LYRM4: variants seen among roughly 807,000 people sequenced by gnomAD.
LYRM4 encodes the protein LYR motif-containing protein 4.
Under a neutral mutation model 11.7 loss-of-function variants are expected in LYRM4, and 9 were observed. That is an observed-to-expected ratio of 0.77 (90% CI 0.46 to 1.34). The LOEUF (loss-of-function observed/expected upper bound fraction) is 1.34. Ranked by LOEUF, LYRM4 falls within the 40% of genes most tolerant of loss-of-function variation. The pLI is 0.00. For synonymous variants in LYRM4, 42 were observed against 40.4 expected (o/e 1.04, Z -0.15); for missense variants, 133 against 112.5 (o/e 1.18, Z -0.82).
In LYRM4 at chr6:5,109,395, C is replaced by T; in HGVS notation, c.*28G>A. The stretch of plus-strand genomic sequence containing the variant: ...AGTGGATGCTGAAGGTGGTCCCTGG[C>T]CGCCACTGGTGGCTGGTCCCCGGCT... On this transcript the variant is annotated 3_prime_UTR_variant, in exon 3 of 3. Transcript: ENST00000330636. 1.9e-6 allele frequency: 3 copies of T among 1,613,580 alleles called. No homozygotes were observed. Among genetic ancestry groups the T allele is most frequent in the Non-Finnish European group, 2.5e-6 (3 of 1,179,640 alleles).
intron 1 of LYRM4, among the ~76,000 whole-genome samples, chr6:5,218,999 G>A (rs1762432562): frequency 6.6e-6 from 1 of 152,118 alleles, no homozygotes; most frequent in East Asian, 1.9e-4. Context: ...TCTAATATTT[G>A]TTCCACAGGC....
the LYRM4 span, among the ~76,000 whole-genome samples, chr6:5,055,013 A>G: frequency 6.6e-6 from 1 of 152,156 alleles, no homozygotes. The surrounding 1 kb of genome is among the most constrained non-coding windows in gnomAD (Gnocchi z 4.5). Flanking sequence ...TTAGGGTCAG[A>G]CAAGAGACAT....
intron 2 of LYRM4, among the ~76,000 whole-genome samples, chr6:5,171,275 T>C (rs1365970308): frequency 6.6e-6 from 1 of 152,164 alleles, no homozygotes; most frequent in Non-Finnish European, 1.5e-5. Flanking sequence ...TCCATCTACG[T>C]TACATCCCTC....
At chr6:5,043,041 T>A in the LYRM4 span, 1 of 152,336 alleles carries the variant, frequency 6.6e-6, no homozygotes, top group East Asian at 1.9e-4. Context: ...TGACTTCTAC[T>A]GTATGCTCCA....
At chr6:5,140,932 G>A (rs886179872) in intron 2 of LYRM4, among the ~76,000 whole-genome samples, 2 of 152,134 alleles carry the variant, frequency 1.3e-5, no homozygotes, top group African/African-American at 4.8e-5. Flanking sequence ...CCAACTTGTT[G>A]TTCAGGTGTC....
At chr6:5,043,735 A>G in the LYRM4 span, among the ~76,000 whole-genome samples, 1 of 152,018 alleles carries the variant, frequency 6.6e-6, no homozygotes, top group Non-Finnish European at 1.5e-5. Flanking sequence ...TTTCAAATAC[A>G]AACCAACCAA....
chr6:5,161,895 G>A (rs1484926591), intron 2 of LYRM4, among the ~76,000 whole-genome samples: 3 of 152,188 alleles, frequency 2.0e-5, no homozygotes, highest in Admixed American at 1.3e-4. Context: ...TATCTTCAGC[G>A]AGGTTCTCAA....
intron 2 of LYRM4, among the ~76,000 whole-genome samples, chr6:5,177,320 CAGTT>C (rs930133072): frequency 1.3e-5 from 2 of 152,358 alleles, no homozygotes; most frequent in East Asian, 1.9e-4. Flanking sequence ...AATGCAGTAA[CAGTT>C]AGGGATAAGC....
chr6:5,164,541 A>G (rs938984548), intron 2 of LYRM4, among the ~76,000 whole-genome samples: 2 of 152,178 alleles, frequency 1.3e-5, no homozygotes, highest in Non-Finnish European at 2.9e-5. Flanking sequence ...AAACCAACCT[A>G]TTTCAGAAGT....
At chr6:5,101,012 G>A (rs998652234), downstream of LYRM4, among the ~76,000 whole-genome samples, 1 of 152,142 alleles carries the variant, frequency 6.6e-6, no homozygotes, top group African/African-American at 2.4e-5. Context: ...CAGGGCCCTA[G>A]CTGGTCTCCC....
chr6:5,054,132 A>T, the LYRM4 span: 1 of 985,864 alleles, frequency 1.0e-6, no homozygotes, highest in Non-Finnish European at 1.2e-6. Context: ...TCACCTGGCC[A>T]TGACCAGAAT....
At chr6:5,223,004 G>C (rs141911591) in intron 1 of LYRM4, among the ~76,000 whole-genome samples, 1 of 152,212 alleles carries the variant, frequency 6.6e-6, no homozygotes, top group East Asian at 1.9e-4. Context: ...TATAATGGAA[G>C]GAAATGTCCC....
intron 1 of LYRM4, among the ~76,000 whole-genome samples, chr6:5,237,221 C>A (rs552656843): frequency 6.6e-6 from 1 of 152,270 alleles, no homozygotes; most frequent in South Asian, 2.1e-4. Flanking sequence ...TAGCCACTCC[C>A]CATCGCTCAC....
intron 1 of LYRM4, among the ~76,000 whole-genome samples, chr6:5,222,945 C>A (rs920627054): frequency 9.2e-5 from 14 of 152,076 alleles, no homozygotes; most frequent in African/African-American, 2.9e-4. Context: ...AGGTGTATAA[C>A]CTATGAATAA....
intron 2 of LYRM4, among the ~76,000 whole-genome samples, chr6:5,206,534 A>C (rs1761708949): frequency 6.6e-6 from 1 of 152,220 alleles, no homozygotes; most frequent in Admixed American, 6.5e-5. Flanking sequence ...TTGTGCTATA[A>C]GGGATCTTGG....
the LYRM4 span, among the ~76,000 whole-genome samples, chr6:5,035,035 G>A: frequency 1.3e-4 from 20 of 151,924 alleles, no homozygotes; most frequent in Non-Finnish European, 2.1e-4. Context: ...TGAGACCTGC[G>A]TGTTCTACTA....
rs181546523 is a variant in LYRM4, at chr6:5,147,651, A to G, written c.208-38160T>C. Among the ~76,000 whole-genome samples the G allele has an allele frequency of 3.9e-5, 6 of 152,376 alleles. No homozygotes were observed. In the East Asian group the frequency reaches 1.2e-3, roughly 29 times the overall value. On this transcript the variant is annotated intron_variant, in intron 2 of 2. Coordinates refer to ENST00000330636, the MANE Select transcript of LYRM4 (RefSeq NM_020408.6). ...TTCCTTTTCATCTTTGAAGGAAGAC[A>G]GGAAACAGGGATACTAAAATTCACA... is the stretch of plus-strand genomic sequence containing the variant.
chr6:5,051,138 A>C, the LYRM4 span, among the ~76,000 whole-genome samples: 1 of 152,240 alleles, frequency 6.6e-6, no homozygotes, highest in Non-Finnish European at 1.5e-5. Flanking sequence ...CTTGAAGGCC[A>C]AAAAGATTAC....
chr6:5,077,070 G>C, the LYRM4 span, among the ~76,000 whole-genome samples: 10 of 152,166 alleles, frequency 6.6e-5, no homozygotes, highest in Non-Finnish European at 1.3e-4. Context: ...GTCCTAGGCC[G>C]GGGTGCTGCT....
Sources: gnomAD v4.1 joint callset for allele counts (sites outside exome capture counted in the v4.1 genomes callset) on GRCh38, gnomAD v4.1.1 for gene constraint, Gnocchi (gnomAD v3.1) non-coding constraint, MANE v1.5 for transcripts, NCBI Gene and HGNC (gene_info 2026-07-23, HGNC 2026-07-21) for gene names.